SRMS: variants seen among roughly 807,000 people sequenced by gnomAD.
SRMS encodes src-related kinase lacking C-terminal regulatory tyrosine and N-terminal myristylation sites, also known as tyrosine-protein kinase Srms.
In SRMS, 42 loss-of-function variants were observed where a neutral mutation model predicts 43.5. The ratio of observed to expected loss-of-function variants is 0.97; its 90% CI spans 0.75 to 1.25. The LOEUF (loss-of-function observed/expected upper bound fraction) is 1.25. Among genes scored for constraint, SRMS ranks in the 50% most tolerant of loss-of-function variants. SRMS has a pLI of 0.00. For synonymous variants in SRMS, 316 were observed against 308.2 expected, an observed-to-expected ratio of 1.03 and a Z score of -0.27; for missense variants, 703 against 681.0, an observed-to-expected ratio of 1.03 and a Z score of -0.36.
chr20:63,541,461 A>T lies in SRMS; in HGVS notation c.1106T>A (p.Phe369Tyr). Residue 369 changes from phenylalanine (F) to tyrosine (Y), a missense_variant, in exon 6 of 8, where the codon TTC becomes TAC. Phe to Tyr is a conservative substitution (Grantham distance 22). Coordinates refer to ENST00000217188, the MANE Select transcript of SRMS (RefSeq NM_080823.4). ...DDGLACKVAD[F>Y]GLARLLKDDI... ...GACCTTGAGCAGCCGGGCCAGGCCG[A>T]AGTCAGCCACCTTGCAGGCCAGGCC... The T allele has an allele frequency of 6.2e-7, 1 of 1,605,812 alleles. No homozygotes were observed.
chr20:63,542,755 G>A (rs193019209), intron 3 of SRMS, among the ~76,000 whole-genome samples, 174 bp from the exon 4 acceptor site: 144 of 152,324 alleles, frequency 9.5e-4, no homozygotes, highest in Non-Finnish European at 1.5e-3. Context: ...GCCCAGCCCC[G>A]TGGGAGCTCA....
intron 1 of SRMS, among the ~76,000 whole-genome samples, chr20:63,546,083 C>T (rs1017908620): frequency 6.6e-6 from 1 of 152,134 alleles, no homozygotes; most frequent in African/African-American, 2.4e-5. Context: ...ATTAGCTTTG[C>T]CTATGGACCG....
At chr20:63,544,432 T>C (rs1341473274) in intron 1 of SRMS, 84 bp from the exon 2 acceptor site, 3 of 1,375,752 alleles carry the variant, frequency 2.2e-6, no homozygotes, top group African/African-American at 1.5e-5. Context: ...CCGGCAGGGC[T>C]GAGCCCGGCT....
chr20:63,543,409 C>T lies in SRMS; in HGVS notation c.550G>A (p.Gly184Arg), dbSNP rs2082714813. 1 of 1,612,860 alleles carries T rather than the reference C, an allele frequency of 6.2e-7. No individual in the cohort carries two copies. The change falls in exon 3 of 8, where the codon GGA (glycine) becomes AGA (arginine). Residue 184 changes from glycine to arginine, a missense_variant. Coordinates refer to ENST00000217188, the MANE Select transcript of SRMS (RefSeq NM_080823.4). ...AADGSLYLQK[G>R]RLFPGLEELL... ...TCCTCCAGGCCGGGAAAGAGCCGTCCCTTCTGCAGGTAGAGGCTGCCATCA... is the reference window on the plus strand; with the variant it reads ...TCCTCCAGGCCGGGAAAGAGCCGTCTCTTCTGCAGGTAGAGGCTGCCATCA...
chr20:63,544,473 C>T (rs895042655), intron 1 of SRMS, 125 bp from the exon 2 acceptor site: 21 of 1,251,132 alleles, frequency 1.7e-5, no homozygotes, highest in Middle Eastern at 5.8e-4. Context: ...AGGTCCACCC[C>T]GTGGACTTTG....
chr20:63,543,256 C>T (rs529790523), intron 3 of SRMS, 58 bp downstream of exon 3: 1 of 1,588,770 alleles, frequency 6.3e-7, no homozygotes, highest in East Asian at 2.2e-5. Context: ...GGAGGAGCAC[C>T]TAGAACAGGG....
At chr20:63,541,916 G>A (rs1026979281) in intron 5 of SRMS, among the ~76,000 whole-genome samples, 4 of 151,638 alleles carry the variant, frequency 2.6e-5, no homozygotes, top group South Asian at 2.1e-4. Context: ...AGATGGGACC[G>A]CGCCCCCCAC....
At chr20:63,546,705 A>T (rs910679100) in intron 1 of SRMS, among the ~76,000 whole-genome samples, 10 of 147,634 alleles carry the variant, frequency 6.8e-5, no homozygotes, top group African/African-American at 2.5e-4. Flanking sequence ...AGCTCCTGTC[A>T]TCTGGTGCCT....
At position 63,543,477 on chromosome 20, in the gene SRMS, C is replaced by G; in HGVS notation, c.482G>C (p.Arg161Pro). ...SSLGGYSLSV[R>P]AQAKVCHYRV... is the part of the protein sequence containing the mutation. The stretch of plus-strand genomic sequence containing the variant: ...GTAGTGGCAGACCTTGGCCTGGGCC[C>G]GGACTAGGAAGGGTTCAGAGATGGA... Residue 161 changes from arginine to proline, a missense_variant, in exon 3 of 8, where the codon CGG becomes CCG. Transcript: ENST00000217188. 3.7e-6 allele frequency: 6 copies of G among 1,612,646 alleles called. No homozygotes were observed. Among genetic ancestry groups the G allele is most frequent in the Non-Finnish European group, 3.4e-6 (4 of 1,179,870 alleles).
chr20:63,545,284 C>T (rs2082725353), intron 1 of SRMS, among the ~76,000 whole-genome samples: 1 of 152,200 alleles, frequency 6.6e-6, no homozygotes, highest in Non-Finnish European at 1.5e-5. Flanking sequence ...TGCTGAAGTC[C>T]AAGGCGGGGA....
At chr20:63,546,137 G>A (rs1235828446) in intron 1 of SRMS, among the ~76,000 whole-genome samples, 1 of 152,106 alleles carries the variant, frequency 6.6e-6, no homozygotes, top group Non-Finnish European at 1.5e-5. Context: ...CTGCTGAAGG[G>A]GTCTGTCCTC....
Position 63,540,810 on chromosome 20 carries a change from G to A in SRMS, c.*8C>T, listed in dbSNP as rs1321170070. 6.9e-6 allele frequency: 11 copies of A among 1,592,718 alleles called. No individual in the cohort carries two copies. Among genetic ancestry groups the A allele is most frequent in the East Asian group, 6.7e-5 (3 of 44,536 alleles). On this transcript the variant is annotated 3_prime_UTR_variant, in exon 8 of 8. Coordinates refer to ENST00000217188, the MANE Select transcript of SRMS (RefSeq NM_080823.4). ...GCTGGAGCCCAGAGCGTTGGGTCAC[G>A]TGAGGACTCAGGGGTGGCATCTGTG...
chr20:63,541,410 T>A, intron 6 of SRMS, 29 bp downstream of exon 6: 1 of 1,573,434 alleles, frequency 6.4e-7, no homozygotes, highest in Non-Finnish European at 8.6e-7. Context: ...CCACCCCCTC[T>A]GGGTCAGGGG....
chr20:63,541,547 G>A lies in SRMS; in HGVS notation c.1020C>T (p.Tyr340=). Residue 340 remains tyrosine, a synonymous_variant, in exon 6 of 8, where the codon TAC becomes TAT. Coordinates refer to ENST00000217188, the MANE Select transcript of SRMS (RefSeq NM_080823.4). ...GGTGCACAACGCGCTGCTCCTCCAG[G>A]TAGCTCATGCCCTCAGCCACCTGGC... The part of the protein sequence containing the change: ...FACQVAEGMS[Y]LEEQRVVHRD... 2 of 1,590,870 alleles carry A rather than the reference G, an allele frequency of 1.3e-6. No homozygotes were observed. The highest frequency in any genetic ancestry group is 1.7e-6 in the Non-Finnish European group (2 of 1,170,842).
At chr20:63,544,856 G>A (rs1167356663) in intron 1 of SRMS, among the ~76,000 whole-genome samples, 5 of 152,234 alleles carry the variant, frequency 3.3e-5, no homozygotes, top group African/African-American at 1.2e-4. Context: ...GTGTCCTGAG[G>A]AGGCAGCCTA....
At chr20:63,545,159 C>T (rs547013891) in intron 1 of SRMS, among the ~76,000 whole-genome samples, 24 of 152,294 alleles carry the variant, frequency 1.6e-4, no homozygotes, top group Admixed American at 7.8e-4. Context: ...GGCTGGGTCT[C>T]CCCTGTCCAG....
chr20:63,547,495 C>T lies in SRMS; in HGVS notation c.-32G>A, dbSNP rs768589992. The T allele has an allele frequency of 7.6e-6, 11 of 1,438,146 alleles. No individual in the cohort carries two copies. Among genetic ancestry groups the T allele is most frequent in the Non-Finnish European group, 1.0e-5 (11 of 1,093,216 alleles). The allele number at this position is 1,438,146 out of a possible 1,614,324, so 89.1% of individuals were successfully genotyped here. ...GGGTCACCACGCTGGGCCCGAGGGC[C>T]ATGGGAGCCCGCGAGCCCGGAAGAG... is the stretch of plus-strand genomic sequence containing the variant. On this transcript the variant is annotated 5_prime_UTR_variant, in exon 1 of 8. The change abolishes an upstream ATG in the 5' untranslated region. Coordinates refer to ENST00000217188, the MANE Select transcript of SRMS (RefSeq NM_080823.4).
intron 1 of SRMS, 105 bp from the exon 2 acceptor site, chr20:63,544,453 C>T: frequency 7.4e-7 from 1 of 1,343,406 alleles, no homozygotes; most frequent in Non-Finnish European, 9.6e-7. Context: ...GTCCCACCGC[C>T]TCAGGGAGAA....
In SRMS at chr20:63,547,150, G is replaced by C; in HGVS notation, c.314C>G (p.Thr105Ser). The part of the protein sequence containing the change: ...GQPSAGLVPI[T>S]HVAKASPETL... Reference sequence around the variant, plus strand: ...CTCAGGAGAAGCCTTGGCCACGTGGGTGATGGGCACGAGCCCGGCGCTGGG... The same window carrying C: ...CTCAGGAGAAGCCTTGGCCACGTGGCTGATGGGCACGAGCCCGGCGCTGGG... The change falls in exon 1 of 8, where the codon ACC (threonine) becomes AGC (serine). Residue 105 changes from threonine to serine, a missense_variant. By Grantham distance (58) the Thr-to-Ser change is moderately conservative. Transcript: ENST00000217188. The C allele has an allele frequency of 6.2e-7, 1 of 1,608,132 alleles. No homozygotes were observed. Among genetic ancestry groups the C allele is most frequent in the East Asian group, 2.2e-5 (1 of 44,768 alleles).
Sources: allele counts gnomAD v4.1 joint callset (sites outside exome capture counted in the v4.1 genomes callset), GRCh38; gene constraint gnomAD v4.1.1; transcripts MANE v1.5; gene names NCBI Gene and HGNC (gene_info 2026-07-23, HGNC 2026-07-21).